The following MAML1 variants were observed in gnomAD, a reference collection of about 807,000 sequenced individuals.
MAML1 encodes the protein mastermind-like protein 1.
In MAML1, 14 loss-of-function variants were observed where a neutral mutation model predicts 77.1. The observed-to-expected ratio is 0.18, with a 90% CI of 0.12 to 0.28. The LOEUF is 0.28. MAML1 is among the 10% of genes least tolerant of loss of function. The pLI is 1.00. For missense variants in MAML1, 1,217 were observed against 1,327.8 expected, an observed-to-expected ratio of 0.92 and a Z score of 1.30; for synonymous variants, 516 against 551.9, an observed-to-expected ratio of 0.93 and a Z score of 0.91.
At chr5:179,745,720 C>T (rs994884096) in intron 1 of MAML1, among the ~76,000 whole-genome samples, 3 of 151,838 alleles carry the variant, frequency 2.0e-5, no homozygotes, top group East Asian at 2.0e-4. Context: ...ATTAGCCAGG[C>T]GTGGTGGCGG....
rs531618503 is a variant in MAML1, at chr5:179,742,443, C to T, written c.315+9016C>T. Among the ~76,000 whole-genome samples the T allele has an allele frequency of 3.6e-4, 54 of 151,644 alleles. No individual in the cohort carries two copies. The South Asian group carries it at 7.1e-3, about 20-fold the overall frequency. On this transcript the variant is annotated intron_variant, in intron 1 of 4. Coordinates refer to ENST00000292599, the MANE Select transcript of MAML1 (RefSeq NM_014757.5). ...ACCGGAGGTTGCAGTGAGCCGAGAT[C>T]GTGACACTGCACTCCAGCCCAGGCG...
At position 179,776,345 on chromosome 5, in the gene MAML1, C is replaced by T; in HGVS notation, c.*1468C>T. The T allele has an allele frequency of 2.0e-6, 2 of 985,792 alleles. No homozygotes were observed. The highest frequency in any genetic ancestry group is 2.4e-6 in the Non-Finnish European group (2 of 829,900). 61.1% of individuals were successfully genotyped at this position (985,792 alleles called of 1,614,324 possible). On this transcript the variant is annotated 3_prime_UTR_variant, in exon 5 of 5. Coordinates refer to ENST00000292599, the MANE Select transcript of MAML1 (RefSeq NM_014757.5). Reference sequence around the variant, plus strand: ...GAGCCAAGGAAAATACTCATGCAACCAGCCTGAGTCGCGGTGAGGGGACGA... The same window carrying T: ...GAGCCAAGGAAAATACTCATGCAACTAGCCTGAGTCGCGGTGAGGGGACGA...
At position 179,775,898 on chromosome 5, in the gene MAML1, G is replaced by A; in HGVS notation, c.*1021G>A. On this transcript the variant is annotated 3_prime_UTR_variant, in exon 5 of 5. Transcript: ENST00000292599. ...AGGAAGAGTCTTAGAATTCCTAAGGGAACCTTAGCATAAAGGTTTTGGGGA... is the reference window on the plus strand; with the variant it reads ...AGGAAGAGTCTTAGAATTCCTAAGGAAACCTTAGCATAAAGGTTTTGGGGA... 2.0e-6 allele frequency: 2 copies of A among 985,622 alleles called. No homozygotes were observed. Among genetic ancestry groups the A allele is most frequent in the Non-Finnish European group, 2.4e-6 (2 of 829,934 alleles). The allele number at this position is 985,622 out of a possible 1,614,324, so 61.1% of individuals were successfully genotyped here.
intron 2 of MAML1, among the ~76,000 whole-genome samples, chr5:179,767,699 CAGTG>C (rs1428690578): frequency 2.0e-5 from 3 of 152,224 alleles, no homozygotes; most frequent in Non-Finnish European, 4.4e-5. Context: ...CAGCTGCACA[CAGTG>C]AGGGTGCTTG....
In MAML1 at chr5:179,775,636, G is replaced by C. The variant is rs2113388541; in HGVS notation, c.*759G>C. The stretch of plus-strand genomic sequence containing the variant: ...CAGGAATCCCTTCCTCCCATGTCCT[G>C]GCAGCAGGACCCCAGGCTACATATG... On this transcript the variant is annotated 3_prime_UTR_variant, in exon 5 of 5. Transcript: ENST00000292599. 1.0e-6 allele frequency: 1 copy of C among 985,462 alleles called. No homozygotes were observed. The highest frequency in any genetic ancestry group is 1.1e-4 in the East Asian group (1 of 8,816). 61.0% of individuals were successfully genotyped at this position (985,462 alleles called of 1,614,324 possible).
chr5:179,752,344 A>ATATAT (rs1292142222), intron 1 of MAML1, among the ~76,000 whole-genome samples: 1,566 of 92,166 alleles, frequency 0.017, 79 homozygotes, highest in South Asian at 0.025. Context: ...AAAAAAAAAA[A>ATATAT]AAAAAAATAT....
intron 1 of MAML1, among the ~76,000 whole-genome samples, chr5:179,762,610 C>T (rs1223176076): frequency 1.3e-5 from 2 of 152,220 alleles, no homozygotes; most frequent in Admixed American, 6.5e-5. Flanking sequence ...TGTGCTGGAG[C>T]AGGCTCCTGT....
At chr5:179,770,224 G>A (rs937968700) in intron 3 of MAML1, among the ~76,000 whole-genome samples, 14 of 152,046 alleles carry the variant, frequency 9.2e-5, no homozygotes, top group African/African-American at 2.7e-4. Flanking sequence ...CGAGGTGGGC[G>A]GATCACGAGG....
intron 2 of MAML1, among the ~76,000 whole-genome samples, chr5:179,767,004 G>A (rs534034161): frequency 2.6e-5 from 4 of 151,662 alleles, no homozygotes; most frequent in South Asian, 2.1e-4. Flanking sequence ...TTAGTCCACT[G>A]TCTCTTTCGT....
rs373516653 is a variant in MAML1, at chr5:179,765,528, T to C, written c.518T>C (p.Leu173Pro). 1.2e-5 allele frequency: 19 copies of C among 1,613,936 alleles called. No individual in the cohort carries two copies. The highest frequency in any genetic ancestry group is 1.6e-4 in the Middle Eastern group (1 of 6,082). The part of the protein sequence containing the change: ...QSDKPSGADA[L>P]QSSGKHSLGL... ...GACAAGCCTTCTGGAGCCGACGCCC[T>C]GCAGTCCAGTGGGAAGCACTCTCTG... The change falls in exon 2 of 5, where the codon CTG (leucine) becomes CCG (proline). Residue 173 changes from leucine (L) to proline (P), a missense_variant. Coordinates refer to ENST00000292599, the MANE Select transcript of MAML1 (RefSeq NM_014757.5).
chr5:179,771,082 T>A lies in MAML1; in HGVS notation c.1972-65T>A, dbSNP rs1755976371. ...ATAAGTTACTTTTCTCTGACCTCCCTCACTCCCTTTGTTTTGGATTTTGTT... is the reference window on the plus strand; with the variant it reads ...ATAAGTTACTTTTCTCTGACCTCCCACACTCCCTTTGTTTTGGATTTTGTT... On this transcript the variant is annotated intron_variant, in intron 3 of 4. Transcript: ENST00000292599. The surrounding 1 kb of genome is among the most constrained non-coding windows in gnomAD (Gnocchi z 4.7). 5 of 1,245,664 alleles carry A rather than the reference T, an allele frequency of 4.0e-6. No homozygotes were observed. Among genetic ancestry groups the A allele is most frequent in the Non-Finnish European group, 5.9e-6 (5 of 844,650 alleles). The allele number at this position is 1,245,664 out of a possible 1,614,324, so 77.2% of individuals were successfully genotyped here.
At position 179,732,932 on chromosome 5, in the gene MAML1, T is replaced by A. The variant is rs1200151277; in HGVS notation, c.-181T>A. On this transcript the variant is annotated 5_prime_UTR_variant, in exon 1 of 5. Transcript: ENST00000292599. ...CTTGAGGTAGGCAGCAAGCGCCGGC[T>A]GGGGGTCGGGCCGAGCGGGGCAGGA... 3.3e-6 allele frequency: 1 copy of A among 302,140 alleles called. No individual in the cohort carries two copies. The highest frequency in any genetic ancestry group is 5.2e-5 in the Admixed American group (1 of 19,374). 18.7% of individuals were successfully genotyped at this position (302,140 alleles called of 1,614,324 possible).
In MAML1 at chr5:179,766,223, A is replaced by C. The variant is rs1779815407; in HGVS notation, c.1213A>C (p.Lys405Gln). ...SAHQLQQIAA[K>Q]QKREQMLQNP... ...CCACCAGCTCCAGCAGATCGCTGCCAAGCAGAAGCGCGAGCAGATGCTCCA... is the reference window on the plus strand; with the variant it reads ...CCACCAGCTCCAGCAGATCGCTGCCCAGCAGAAGCGCGAGCAGATGCTCCA... Residue 405 changes from lysine to glutamine, a missense_variant, in exon 2 of 5, where the codon AAG becomes CAG. Lys to Gln is a moderately conservative substitution (Grantham distance 53). This residue lies in a region of MAML1 where 884 missense variants were observed against 949.3 expected (regional missense o/e 0.93). Coordinates refer to ENST00000292599, the MANE Select transcript of MAML1 (RefSeq NM_014757.5). The surrounding 1 kb of genome is among the most constrained non-coding windows in gnomAD (Gnocchi z 4.0). 2 of 1,613,200 alleles carry C rather than the reference A, an allele frequency of 1.2e-6. No homozygotes were observed. Among genetic ancestry groups the C allele is most frequent in the Admixed American group, 3.3e-5 (2 of 59,948 alleles).
intron 1 of MAML1, among the ~76,000 whole-genome samples, chr5:179,757,733 A>G (rs919515621): frequency 1.3e-5 from 2 of 152,194 alleles, no homozygotes; most frequent in Non-Finnish European, 2.9e-5. Flanking sequence ...TCTGAGCCTC[A>G]CTGGTTTCCC....
intron 1 of MAML1, among the ~76,000 whole-genome samples, chr5:179,758,728 C>T (rs749387732): frequency 1.3e-5 from 2 of 151,378 alleles, no homozygotes; most frequent in African/African-American, 2.4e-5. Flanking sequence ...ACTGGCCCAG[C>T]GCGGTGGCTC....
intron 1 of MAML1, among the ~76,000 whole-genome samples, chr5:179,752,350 A>AAAAAAAAAATATAT (rs1554150144): frequency 1.5e-5 from 1 of 66,722 alleles, no homozygotes; most frequent in Non-Finnish European, 2.6e-5. Context: ...AAAAAAAAAA[A>AAAAAAAAAATATAT]ATATATATAT....
chr5:179,750,116 G>A (rs1008003512), intron 1 of MAML1, among the ~76,000 whole-genome samples: 104 of 152,202 alleles, frequency 6.8e-4, no homozygotes, highest in Non-Finnish European at 5.1e-4. Flanking sequence ...CCTGCTCTCC[G>A]CTTTAATATT....
intron 1 of MAML1, among the ~76,000 whole-genome samples, chr5:179,762,619 G>A (rs137945113): frequency 2.5e-4 from 38 of 152,344 alleles, no homozygotes; most frequent in African/African-American, 8.7e-4. Context: ...GCAGGCTCCT[G>A]TATTTATACG....
chr5:179,756,799 A>G (rs1346552859), intron 1 of MAML1, among the ~76,000 whole-genome samples: 1 of 152,172 alleles, frequency 6.6e-6, no homozygotes, highest in Non-Finnish European at 1.5e-5. Flanking sequence ...GAGGTATCTC[A>G]CTGGAGAGAG....
Sources: allele counts gnomAD v4.1 joint callset (sites outside exome capture counted in the v4.1 genomes callset), GRCh38; gene constraint gnomAD v4.1.1; regional missense constraint gnomAD v4.1.1; non-coding constraint Gnocchi (gnomAD v3.1); transcripts MANE v1.5; gene names NCBI Gene and HGNC (gene_info 2026-07-23, HGNC 2026-07-21).